PDE11A: variants seen among roughly 807,000 people sequenced by gnomAD.
The protein encoded by PDE11A is phosphodiesterase 11A.
Under a neutral mutation model 100.5 loss-of-function variants are expected in PDE11A, and 100 were observed. That is an observed-to-expected ratio of 1.00 (90% CI 0.85 to 1.18). The LOEUF is 1.18. Ranked by LOEUF, PDE11A falls within the 50% of genes most tolerant of loss-of-function variation. The probability of loss-of-function intolerance (pLI) is 0.00; values close to 1 mark genes in which losing one functional copy is unlikely to be tolerated. For synonymous variants in PDE11A, 381 were observed against 420.8 expected, an observed-to-expected ratio of 0.91 and a Z score of 1.16; for missense variants, 1,141 against 1,152.6, an observed-to-expected ratio of 0.99 and a Z score of 0.15.
intron 2 of PDE11A, among the ~76,000 whole-genome samples, chr2:177,943,063 G>A (rs959481726): frequency 6.6e-6 from 1 of 152,158 alleles, no homozygotes; most frequent in African/African-American, 2.4e-5. Flanking sequence ...CCTTTTTAAA[G>A]CTGAAAAATA....
rs1453203667 is a variant in PDE11A at position 177,981,362 on chromosome 2, A to G, written c.1071+32940T>C. Among the ~76,000 whole-genome samples the G allele has an allele frequency of 2.7e-5, 4 of 150,672 alleles. 1 individual carries two copies. Among genetic ancestry groups the G allele is most frequent in the African/African-American group, 9.7e-5 (4 of 41,332 alleles). ...GCTAGAAGTCTAAAATCAAGGTGTC[A>G]GAAGGGTCCTGCTCCCTTTGAGACT... On this transcript the variant is annotated intron_variant, in intron 2 of 19. Coordinates refer to ENST00000286063, the MANE Select transcript of PDE11A (RefSeq NM_016953.4).
chr2:178,083,379 G>A lies in PDE11A; in HGVS notation c.162+20923C>T, dbSNP rs140619638. On this transcript the variant is annotated intron_variant, in intron 2 of 20. Coordinates refer to the PDE11A transcript ENST00000358450. ...CTCTCAAAGTGCTGGGATCACAGGC[G>A]TGAGCCACCTCGCCCAGCCAGTAGA... Among the ~76,000 whole-genome samples the A allele has an allele frequency of 1.8e-3, 271 of 152,308 alleles. 2 individuals are homozygous for A. The highest frequency in any genetic ancestry group is 0.016 in the East Asian group (83 of 5,182).
intron 2 of PDE11A, among the ~76,000 whole-genome samples, chr2:178,012,992 T>C (rs1187144848): frequency 6.6e-6 from 1 of 152,212 alleles, no homozygotes; most frequent in Non-Finnish European, 1.5e-5. Context: ...ATATCTTTAT[T>C]GGAATAAAGT....
At chr2:178,070,948 A>C (rs1223600008) in intron 1 of PDE11A, among the ~76,000 whole-genome samples, 1 of 152,216 alleles carries the variant, frequency 6.6e-6, no homozygotes, top group Non-Finnish European at 1.5e-5. Context: ...CAAGTGAGTC[A>C]CAGGACCATT....
At chr2:177,760,025 T>C (rs1263813363) in intron 10 of PDE11A, among the ~76,000 whole-genome samples, 1 of 152,120 alleles carries the variant, frequency 6.6e-6, no homozygotes. Flanking sequence ...CTCCATGACA[T>C]TGCTTCCATT....
At chr2:177,904,322 T>C (rs1459299810) in intron 3 of PDE11A, among the ~76,000 whole-genome samples, 1 of 152,172 alleles carries the variant, frequency 6.6e-6, no homozygotes, top group East Asian at 1.9e-4. Flanking sequence ...GTTCCAAGTA[T>C]CTAGTGAAGG....
intron 9 of PDE11A, among the ~76,000 whole-genome samples, chr2:177,811,345 G>T (rs2082946729): frequency 6.6e-6 from 1 of 151,724 alleles, no homozygotes. Context: ...CCATTATTCA[G>T]CTTTAAGAGC....
intron 9 of PDE11A, among the ~76,000 whole-genome samples, chr2:177,779,484 G>C (rs530718441): frequency 6.6e-6 from 1 of 152,280 alleles, no homozygotes; most frequent in African/African-American, 2.4e-5. Context: ...CTCAATTCCT[G>C]CCACTGTTTT....
At chr2:177,875,969 T>A (rs1273229831) in intron 4 of PDE11A, 46 bp from the exon 5 acceptor site, 2 of 1,080,174 alleles carry the variant, frequency 1.9e-6, no homozygotes, top group Admixed American at 3.4e-5. Context: ...AAAGCTTTAT[T>A]GCCGTTTAAA....
chr2:177,921,091 A>AC (rs1160189869), intron 2 of PDE11A, among the ~76,000 whole-genome samples: 12 of 146,114 alleles, frequency 8.2e-5, no homozygotes, highest in Admixed American at 4.1e-4. Context: ...TTCAAAAATA[A>AC]CTTTTTTTTT....
intron 19 of PDE11A, among the ~76,000 whole-genome samples, chr2:177,635,046 T>C (rs1040827097): frequency 1.8e-4 from 28 of 152,214 alleles, no homozygotes; most frequent in African/African-American, 6.3e-4. Flanking sequence ...CTCTGTGGCA[T>C]CCCTGCTGCG....
At chr2:177,966,229 T>C (rs1241814549) in intron 2 of PDE11A, among the ~76,000 whole-genome samples, 1 of 152,206 alleles carries the variant, frequency 6.6e-6, no homozygotes, top group African/African-American at 2.4e-5. Context: ...TTGGCTGAAG[T>C]TGTTTACCAG....
intron 2 of PDE11A, among the ~76,000 whole-genome samples, chr2:177,944,147 G>T (rs893902407): frequency 6.6e-6 from 1 of 152,194 alleles, no homozygotes; most frequent in Non-Finnish European, 1.5e-5. Flanking sequence ...CTACAGGAAA[G>T]AAGACTGTAT....
At chr2:177,637,919 A>G (rs1287386064) in intron 19 of PDE11A, among the ~76,000 whole-genome samples, 2 of 34,020 alleles carry the variant, frequency 5.9e-5, no homozygotes. Flanking sequence ...ACATATATAC[A>G]CATACATATA....
chr2:177,717,013 C>A (rs2081447576), intron 12 of PDE11A, among the ~76,000 whole-genome samples: 1 of 152,138 alleles, frequency 6.6e-6, no homozygotes, highest in Non-Finnish European at 1.5e-5. Context: ...ATCATGGATA[C>A]TTTTAAGAAC....
chr2:177,736,134 C>T (rs1177129159), intron 10 of PDE11A, among the ~76,000 whole-genome samples: 1 of 151,926 alleles, frequency 6.6e-6, no homozygotes. Flanking sequence ...TCTAATGGGT[C>T]TATCTATTTT....
intron 5 of PDE11A, among the ~76,000 whole-genome samples, chr2:177,850,445 C>T (rs150255688): frequency 0.03 from 4,533 of 151,932 alleles, 105 homozygotes; most frequent in East Asian, 0.075. Context: ...GAAGAAAACC[C>T]AGGCAATACC....
At chr2:178,064,303 A>G (rs982683353) in intron 1 of PDE11A, among the ~76,000 whole-genome samples, 5 of 152,202 alleles carry the variant, frequency 3.3e-5, no homozygotes, top group Admixed American at 6.5e-5. Context: ...GGTTGCACAA[A>G]CTAGATCAAA....
chr2:178,081,035 AC>A (rs2105878656), intron 2 of PDE11A, among the ~76,000 whole-genome samples: 1 of 152,292 alleles, frequency 6.6e-6, no homozygotes, highest in East Asian at 1.9e-4. Flanking sequence ...ACTTTGAGAA[AC>A]CATGAATCTG....
Sources: gnomAD v4.1 joint callset for allele counts (sites outside exome capture counted in the v4.1 genomes callset) on GRCh38, gnomAD v4.1.1 for gene constraint, MANE v1.5 for transcripts, NCBI Gene and HGNC (gene_info 2026-07-23, HGNC 2026-07-21) for gene names.